The following MSI2 variants were observed in gnomAD, a reference collection of about 807,000 sequenced individuals.
MSI2 encodes RNA-binding protein Musashi homolog 2.
MSI2 carries 17 observed loss-of-function variants against 45.6 expected under a neutral mutation model. The ratio of observed to expected loss-of-function variants is 0.37; its 90% CI spans 0.26 to 0.56. The LOEUF (loss-of-function observed/expected upper bound fraction) is 0.56, where lower values mean the gene tolerates loss of function less well. MSI2 is among the 20% of genes least tolerant of loss of function. MSI2 has a pLI of 0.77. For synonymous variants in MSI2, 156 were observed against 158.2 expected (o/e 0.99, Z 0.11); for missense variants, 293 against 444.2 (o/e 0.66, Z 3.06).
At chr17:57,661,684 ACTTTC>A (rs1046240498) in intron 11 of MSI2, among the ~76,000 whole-genome samples, 2 of 152,084 alleles carry the variant, frequency 1.3e-5, no homozygotes, top group Non-Finnish European at 2.9e-5. Context: ...AGTTCCCTTA[ACTTTC>A]CTTTGCTTCT....
intron 7 of MSI2, among the ~76,000 whole-genome samples, chr17:57,546,767 GC>G (rs2087178004): frequency 6.6e-6 from 1 of 152,190 alleles, no homozygotes; most frequent in Non-Finnish European, 1.5e-5. Context: ...GAAACCCCCT[GC>G]CCCAGGAGAG....
intron 5 of MSI2, chr17:57,365,137 T>C (rs1917103003): frequency 6.6e-6 from 1 of 152,204 alleles, no homozygotes; most frequent in Non-Finnish European, 1.5e-5. Context: ...TGCAGAGAAA[T>C]GTATCCTGTG....
chr17:57,417,860 A>G (rs2084324151), intron 6 of MSI2, among the ~76,000 whole-genome samples: 1 of 152,214 alleles, frequency 6.6e-6, no homozygotes, highest in Non-Finnish European at 1.5e-5. Context: ...GGTGTCCCAA[A>G]TCAAATGTAT....
At chr17:57,456,848 C>A (rs892667322) in intron 6 of MSI2, among the ~76,000 whole-genome samples, 4 of 152,156 alleles carry the variant, frequency 2.6e-5, no homozygotes, top group African/African-American at 9.7e-5. Context: ...ATTTAAGTAT[C>A]CTTGGCAGGA....
chr17:57,310,832 G>C (rs944451545), intron 5 of MSI2, among the ~76,000 whole-genome samples: 1 of 152,182 alleles, frequency 6.6e-6, no homozygotes. Flanking sequence ...TTCACAGATG[G>C]TGTGGCAGCA....
intron 10 of MSI2, among the ~76,000 whole-genome samples, chr17:57,634,988 C>T (rs915500594): frequency 1.3e-5 from 2 of 152,240 alleles, no homozygotes; most frequent in African/African-American, 4.8e-5. Context: ...TTTCAGCTGC[C>T]TGGAAACCTC....
chr17:57,523,379 C>T (rs2086634645), intron 6 of MSI2, among the ~76,000 whole-genome samples: 1 of 152,170 alleles, frequency 6.6e-6, no homozygotes, highest in African/African-American at 2.4e-5. Context: ...TCCTATTCAG[C>T]CAGCACGTGA....
intron 4 of MSI2, among the ~76,000 whole-genome samples, chr17:57,261,184 C>T (rs748674227): frequency 6.6e-6 from 1 of 152,162 alleles, no homozygotes; most frequent in Non-Finnish European, 1.5e-5. Flanking sequence ...GTTAGATTCA[C>T]ATGCTTCCAG....
At chr17:57,587,206 A>G (rs368291298) in intron 7 of MSI2, among the ~76,000 whole-genome samples, 67 of 152,336 alleles carry the variant, frequency 4.4e-4, no homozygotes, top group African/African-American at 1.5e-3. Flanking sequence ...GTCTAGGAGC[A>G]TCCATAAATA....
intron 4 of MSI2, among the ~76,000 whole-genome samples, chr17:57,259,313 A>G (rs886686478): frequency 3.3e-5 from 5 of 152,226 alleles, no homozygotes; most frequent in African/African-American, 1.2e-4. Context: ...GGACAAGGCC[A>G]GAAATGGGGC....
At chr17:57,465,183 C>T (rs769949495) in intron 6 of MSI2, among the ~76,000 whole-genome samples, 2 of 152,102 alleles carry the variant, frequency 1.3e-5, no homozygotes, top group Non-Finnish European at 2.9e-5. Context: ...AAGCACAGGC[C>T]GGGTGCGGTG....
chr17:57,265,092 C>G lies in MSI2; in HGVS notation c.312+2900C>G, dbSNP rs912896493. The G allele has an allele frequency of 1.1e-4, 16 of 152,310 alleles. No homozygotes were observed. The East Asian group carries it at 2.9e-3, about 28-fold the overall frequency. 9.4% of individuals were successfully genotyped at this position (152,310 alleles called of 1,614,324 possible). ...GGACAGGGTGGGGAGAAAGTGTCTT[C>G]CCTGTCTACGGTTATTTTCCAATAG... On this transcript the variant is annotated intron_variant, in intron 5 of 13. Transcript: ENST00000284073.
intron 7 of MSI2, among the ~76,000 whole-genome samples, chr17:57,537,279 A>G (rs2086940905): frequency 6.6e-6 from 1 of 151,796 alleles, no homozygotes; most frequent in African/African-American, 2.4e-5. Flanking sequence ...CTGCGTGCCC[A>G]CCGTGAGGGG....
intron 6 of MSI2, among the ~76,000 whole-genome samples, chr17:57,470,123 C>T (rs73327292): frequency 1.0e-3 from 158 of 152,278 alleles, no homozygotes; most frequent in African/African-American, 3.4e-3. Flanking sequence ...TCCTGCAGTT[C>T]CCCTCTTCTA....
intron 6 of MSI2, among the ~76,000 whole-genome samples, chr17:57,438,799 A>AT (rs1598270759): frequency 7.7e-6 from 1 of 129,400 alleles, no homozygotes; most frequent in East Asian, 2.1e-4. Context: ...CTCCCATAGG[A>AT]ATTTTTTTTT....
At chr17:57,352,475 A>G (rs1285666451) in intron 5 of MSI2, among the ~76,000 whole-genome samples, 1 of 152,220 alleles carries the variant, frequency 6.6e-6, no homozygotes, top group Non-Finnish European at 1.5e-5. Context: ...GCAGATGAAG[A>G]GGAGCTCCCA....
At chr17:57,623,329 C>G (rs1908488961) in intron 9 of MSI2, among the ~76,000 whole-genome samples, 1 of 151,970 alleles carries the variant, frequency 6.6e-6, no homozygotes, top group Non-Finnish European at 1.5e-5. Flanking sequence ...GAGCCGTTTT[C>G]CATGACTCTG....
intron 7 of MSI2, among the ~76,000 whole-genome samples, chr17:57,561,096 G>A (rs1270358636): frequency 6.6e-6 from 1 of 152,212 alleles, no homozygotes. Flanking sequence ...CATTTAGGGA[G>A]TCAAGTATGG....
At chr17:57,268,307 G>A (rs1429403415) in intron 5 of MSI2, 1 of 152,198 alleles carries the variant, frequency 6.6e-6, no homozygotes, top group Non-Finnish European at 1.5e-5. Context: ...AAACAGATAA[G>A]TTTATGACAT....
Sources: gnomAD v4.1 joint callset for allele counts (sites outside exome capture counted in the v4.1 genomes callset) on GRCh38, gnomAD v4.1.1 for gene constraint, MANE v1.5 for transcripts, NCBI Gene and HGNC (gene_info 2026-07-23, HGNC 2026-07-21) for gene names.